The following HPSE2 variants were observed in gnomAD, a reference collection of about 807,000 sequenced individuals.
The protein encoded by HPSE2 is inactive heparanase-2.
In HPSE2, 38 loss-of-function variants were observed where a neutral mutation model predicts 60.5. The ratio of observed to expected loss-of-function variants is 0.63; its 90% CI spans 0.48 to 0.82. HPSE2 has a LOEUF of 0.82. Ranked by LOEUF, HPSE2 falls within the 40% of genes least tolerant of loss-of-function variation. HPSE2 has a pLI of 0.00. For synonymous variants in HPSE2, 295 were observed against 293.2 expected (o/e 1.01, Z -0.06); for missense variants, 713 against 740.4 (o/e 0.96, Z 0.43).
Position 99,203,816 on chromosome 10 carries a change from G to A in HPSE2, c.448+28532C>T, listed in dbSNP as rs191925279. Among the ~76,000 whole-genome samples, 129 of 151,104 alleles carry A rather than the reference G, an allele frequency of 8.5e-4. 2 individuals carry two copies. In the East Asian group the frequency reaches 0.017, roughly 20 times the overall value. ...CACCCATAGCTCCAGGACCAGGTTAGCACCCATAATCTCAGGCTCCAGGCC... is the reference window on the plus strand; with the variant it reads ...CACCCATAGCTCCAGGACCAGGTTAACACCCATAATCTCAGGCTCCAGGCC... On this transcript the variant is annotated intron_variant, in intron 2 of 11. Coordinates refer to ENST00000370552, the MANE Select transcript of HPSE2 (RefSeq NM_021828.5).
intron 3 of HPSE2, among the ~76,000 whole-genome samples, chr10:99,094,300 T>C (rs887190662): frequency 1.3e-5 from 2 of 151,670 alleles, no homozygotes; most frequent in African/African-American, 4.8e-5. Context: ...ACGTTCTCTA[T>C]GAATTGTGAA....
chr10:98,482,267 A>G (rs1379285230), intron 11 of HPSE2, among the ~76,000 whole-genome samples: 1 of 152,170 alleles, frequency 6.6e-6, no homozygotes, highest in Non-Finnish European at 1.5e-5. Context: ...CTCAACTACC[A>G]GGATGTTTGG....
intron 9 of HPSE2, among the ~76,000 whole-genome samples, chr10:98,504,170 TCTC>T (rs1052021015): frequency 6.6e-6 from 1 of 152,214 alleles, no homozygotes; most frequent in African/African-American, 2.4e-5. Context: ...CTGCACATCA[TCTC>T]CTTTCTGATT....
chr10:98,565,328 C>A (rs140211880), intron 9 of HPSE2, among the ~76,000 whole-genome samples: 103 of 151,234 alleles, frequency 6.8e-4, no homozygotes, highest in African/African-American at 2.3e-3. Context: ...CTCCCCTTGT[C>A]CCCCACCCCC....
chr10:98,660,958 G>A (rs909904544), intron 6 of HPSE2, among the ~76,000 whole-genome samples: 2 of 152,188 alleles, frequency 1.3e-5, no homozygotes, highest in African/African-American at 4.8e-5. Flanking sequence ...AATGTAAAGA[G>A]GGAGTAGGCT....
intron 2 of HPSE2, among the ~76,000 whole-genome samples, 167 bp downstream of exon 2, chr10:99,232,181 C>T (rs1391098461): frequency 6.6e-6 from 1 of 151,720 alleles, no homozygotes; most frequent in African/African-American, 2.4e-5. Flanking sequence ...TGCAACCAGG[C>T]TCTCCAAATC....
At chr10:99,151,948 C>A in intron 2 of HPSE2, among the ~76,000 whole-genome samples, 1 of 151,754 alleles carries the variant, frequency 6.6e-6, no homozygotes, top group African/African-American at 2.4e-5. Context: ...AAACTTCTGA[C>A]AACCAATAAT....
At chr10:98,642,778 C>G (rs1246946095) in intron 6 of HPSE2, among the ~76,000 whole-genome samples, 3 of 152,146 alleles carry the variant, frequency 2.0e-5, no homozygotes, top group African/African-American at 7.2e-5. Context: ...TCCCTTACCC[C>G]CATCTTGGCA....
intron 9 of HPSE2, among the ~76,000 whole-genome samples, chr10:98,557,162 G>A (rs1327282543): frequency 1.3e-5 from 2 of 151,968 alleles, no homozygotes; most frequent in African/African-American, 4.8e-5. Context: ...GCAGTGAGCC[G>A]AGATCGCACC....
chr10:99,023,804 G>C (rs1957318542), intron 3 of HPSE2, among the ~76,000 whole-genome samples: 1 of 152,240 alleles, frequency 6.6e-6, no homozygotes, highest in Admixed American at 6.5e-5. Context: ...GCCCCCAAAA[G>C]CAGATACAGC....
chr10:98,522,108 A>G (rs189302884), intron 9 of HPSE2, among the ~76,000 whole-genome samples: 140 of 152,008 alleles, frequency 9.2e-4, no homozygotes, highest in Middle Eastern at 3.4e-3. Context: ...TGTTGTGCAC[A>G]TGTACCCTAG....
At position 98,930,672 on chromosome 10, in the gene HPSE2, G is replaced by A. The variant is rs780046765; in HGVS notation, c.611-186616C>T. ...GTTGTTTCCTAACTTTTTAACAATC[G>A]CCATTCTGGCTGGCCTGAGATGGTA... On this transcript the variant is annotated intron_variant, in intron 3 of 11. Coordinates refer to ENST00000370552, the MANE Select transcript of HPSE2 (RefSeq NM_021828.5). Among the ~76,000 whole-genome samples, 5 of 144,428 alleles carry A rather than the reference G, an allele frequency of 3.5e-5. 1 individual carries two copies. Among genetic ancestry groups the A allele is most frequent in the South Asian group, 4.2e-4 (2 of 4,762 alleles). The allele number at this position is 144,428 out of a possible 152,430, so 94.8% of individuals were successfully genotyped here.
intron 2 of HPSE2, among the ~76,000 whole-genome samples, chr10:99,169,361 C>T (rs1424549615): frequency 3.3e-5 from 5 of 150,932 alleles, no homozygotes; most frequent in Non-Finnish European, 7.4e-5. Flanking sequence ...AAAAATTAGC[C>T]GGGCGTGGTG....
intron 3 of HPSE2, among the ~76,000 whole-genome samples, chr10:98,752,761 T>A (rs763837151): frequency 6.6e-6 from 1 of 152,150 alleles, no homozygotes; most frequent in Non-Finnish European, 1.5e-5. Flanking sequence ...CACAGCACTA[T>A]TTACAGTAGC....
chr10:98,646,040 C>T (rs921878758), intron 6 of HPSE2, among the ~76,000 whole-genome samples: 1 of 152,130 alleles, frequency 6.6e-6, no homozygotes, highest in Non-Finnish European at 1.5e-5. Flanking sequence ...ATGCCTAAAC[C>T]TTTTTCTTAG....
chr10:99,159,699 T>C (rs1294400610), intron 2 of HPSE2, among the ~76,000 whole-genome samples: 1 of 152,200 alleles, frequency 6.6e-6, no homozygotes, highest in African/African-American at 2.4e-5. Context: ...TCTAAAGCTA[T>C]AAATTTTCTA....
intron 5 of HPSE2, among the ~76,000 whole-genome samples, chr10:98,717,428 G>A (rs1948818333): frequency 6.6e-6 from 1 of 152,098 alleles, no homozygotes; most frequent in South Asian, 2.1e-4. Flanking sequence ...AGCCTGTCAT[G>A]GCTTTCAACA....
At chr10:98,982,040 CT>C (rs947045311) in intron 3 of HPSE2, among the ~76,000 whole-genome samples, 221 of 145,668 alleles carry the variant, frequency 1.5e-3, no homozygotes, top group African/African-American at 3.0e-3. Flanking sequence ...GTTCTCTATC[CT>C]TTTTTTTTTT....
At chr10:99,306,929 C>T in the HPSE2 span, among the ~76,000 whole-genome samples, 25 of 152,198 alleles carry the variant, frequency 1.6e-4, no homozygotes, top group African/African-American at 3.9e-4. Context: ...AGGCTGGTCT[C>T]GAACGCCCGA....
Sources: allele counts gnomAD v4.1 joint callset (sites outside exome capture counted in the v4.1 genomes callset), GRCh38; gene constraint gnomAD v4.1.1; transcripts MANE v1.5; gene names NCBI Gene and HGNC (gene_info 2026-07-23, HGNC 2026-07-21).